ADGRL3: variants seen among roughly 807,000 people sequenced by gnomAD.
The protein encoded by ADGRL3 is adhesion G protein-coupled receptor L3.
In ADGRL3, 62 loss-of-function variants were observed where a neutral mutation model predicts 153.5. The ratio of observed to expected loss-of-function variants is 0.40; its 90% CI spans 0.33 to 0.50. ADGRL3 has a LOEUF of 0.50. Among genes scored for constraint, ADGRL3 ranks in the 20% least tolerant of loss-of-function variants. The probability of loss-of-function intolerance (pLI) is 0.47; values close to 1 mark genes in which losing one functional copy is unlikely to be tolerated. For synonymous variants in ADGRL3, 710 were observed against 672.5 expected (o/e 1.06, Z -0.86); for missense variants, 1,641 against 1,859.4 (o/e 0.88, Z 2.16).
At chr4:61,957,549 GTATTTATTTATTTATT>G (rs58620707) in intron 17 of ADGRL3, among the ~76,000 whole-genome samples, 2 of 144,378 alleles carry the variant, frequency 1.4e-5, no homozygotes, top group African/African-American at 2.5e-5. Context: ...TTACATTTAT[GTATTTATTTATTTATT>G]TATTTATTTA....
chr4:61,936,777 T>C (rs200615129), intron 15 of ADGRL3, among the ~76,000 whole-genome samples: 2 of 38,644 alleles, frequency 5.2e-5, no homozygotes, highest in East Asian at 8.4e-4. Context: ...TATGTACATA[T>C]GCATACACAC....
In ADGRL3 at chr4:61,996,361, A is replaced by G; in HGVS notation, c.3303+4A>G. 1.3e-6 allele frequency: 2 copies of G among 1,596,346 alleles called. No individual in the cohort carries two copies. The highest frequency in any genetic ancestry group is 2.2e-5 in the South Asian group (2 of 90,682). On this transcript the variant is annotated splice_donor_region_variant and intron_variant, in intron 20 of 26. Coordinates refer to ENST00000683033, the MANE Select transcript of ADGRL3 (RefSeq NM_001387552.1). ...ACCAGCAACTTTGATAATTATGGTA[A>G]GAATTCCTAATTAACTATGTGTTTC... is the stretch of plus-strand genomic sequence containing the variant.
chr4:61,477,473 A>T (rs914691760), intron 2 of ADGRL3, among the ~76,000 whole-genome samples: 9 of 152,214 alleles, frequency 5.9e-5, no homozygotes, highest in African/African-American at 1.9e-4. Flanking sequence ...AATTATCTGC[A>T]CCAAAGTGCT....
chr4:61,925,716 C>T (rs1253954431), intron 13 of ADGRL3, among the ~76,000 whole-genome samples: 1 of 152,092 alleles, frequency 6.6e-6, no homozygotes, highest in East Asian at 1.9e-4. Flanking sequence ...AGGACAATAC[C>T]AAACCATGAC....
intron 5 of ADGRL3, among the ~76,000 whole-genome samples, chr4:61,643,054 T>C (rs1315295017): frequency 6.6e-6 from 1 of 152,200 alleles, no homozygotes; most frequent in Non-Finnish European, 1.5e-5. Flanking sequence ...GAAGCAATTG[T>C]GAATGGGAGA....
intron 21 of ADGRL3, among the ~76,000 whole-genome samples, chr4:62,007,356 T>TATATATATATATATATA (rs1553908564): frequency 3.2e-5 from 1 of 30,914 alleles, no homozygotes; most frequent in African/African-American, 1.2e-4. Context: ...GACAAAATGA[T>TATATATATATATATATA]TATATATATA....
At chr4:61,222,477 A>T (rs1033979936) in intron 1 of ADGRL3, among the ~76,000 whole-genome samples, 14 of 152,162 alleles carry the variant, frequency 9.2e-5, no homozygotes, top group Admixed American at 9.2e-4. Context: ...ATTGGGTAAG[A>T]CAAACTGCTT....
Position 61,406,495 on chromosome 4 carries a change from A to ATT in ADGRL3, c.-174+23313_-174+23314dup, listed in dbSNP as rs11412734. ...ATGTCTTTCTCCATTGAACATGCAG[A>ATT]TTTTTTTTGGTGTCTAATGTTGTTT... On this transcript the variant is annotated intron_variant, in intron 2 of 26. Transcript: ENST00000683033. 2.0e-3 allele frequency among the ~76,000 whole-genome samples: 296 copies of ATT among 151,200 alleles called. 1 individual carries two copies. The highest frequency in any genetic ancestry group is 4.0e-3 in the Admixed American group (61 of 15,130).
At chr4:61,235,560 A>C (rs2149251510) in intron 1 of ADGRL3, among the ~76,000 whole-genome samples, 1 of 152,308 alleles carries the variant, frequency 6.6e-6, no homozygotes, top group African/African-American at 2.4e-5. Context: ...ATAGATGTGT[A>C]ATTACTCCCA....
intron 1 of ADGRL3, among the ~76,000 whole-genome samples, chr4:61,208,821 C>T (rs1738509519): frequency 6.6e-6 from 1 of 152,050 alleles, no homozygotes; most frequent in Admixed American, 6.6e-5. Context: ...CAAGATGACT[C>T]ACTATACTCT....
intron 5 of ADGRL3, among the ~76,000 whole-genome samples, chr4:61,587,898 A>T (rs1416052192): frequency 6.6e-6 from 1 of 152,040 alleles, no homozygotes; most frequent in East Asian, 1.9e-4. Context: ...TTGATTAAGG[A>T]TTAGTTGGCC....
intron 1 of ADGRL3, among the ~76,000 whole-genome samples, chr4:61,372,496 G>T (rs2096546478): frequency 6.6e-6 from 1 of 152,208 alleles, no homozygotes; most frequent in African/African-American, 2.4e-5. Context: ...GCAGTGTGAG[G>T]TGTCAGTGTG....
chr4:61,739,669 T>A (rs1480606615), intron 8 of ADGRL3, among the ~76,000 whole-genome samples: 1 of 152,230 alleles, frequency 6.6e-6, no homozygotes, highest in Non-Finnish European at 1.5e-5. Flanking sequence ...CAGGTAGTCA[T>A]CTTCACTGTC....
chr4:61,741,009 AG>A (rs1410490742), intron 8 of ADGRL3, among the ~76,000 whole-genome samples: 2 of 152,210 alleles, frequency 1.3e-5, no homozygotes, highest in Non-Finnish European at 2.9e-5. Flanking sequence ...CTCCAGTAAA[AG>A]CTGTGGCTGT....
At chr4:61,261,030 C>A (rs10011945) in intron 1 of ADGRL3, among the ~76,000 whole-genome samples, 4,823 of 152,022 alleles carry the variant, frequency 0.032, 258 homozygotes, top group African/African-American at 0.11. Flanking sequence ...TCGCCATTCT[C>A]ATTTGTTATT....
At chr4:61,266,267 T>G (rs1422217850) in intron 1 of ADGRL3, among the ~76,000 whole-genome samples, 1 of 88,608 alleles carries the variant, frequency 1.1e-5, no homozygotes, top group African/African-American at 4.4e-5. Flanking sequence ...TCATGATCTT[T>G]CTGACTTTAG....
intron 17 of ADGRL3, among the ~76,000 whole-genome samples, chr4:61,977,740 T>C (rs757093598): frequency 5.3e-5 from 8 of 152,114 alleles, no homozygotes; most frequent in Admixed American, 2.6e-4. Context: ...GTTAAAAAAA[T>C]GAAGAAAACC....
chr4:61,523,353 A>C (rs989107532), intron 4 of ADGRL3, among the ~76,000 whole-genome samples: 3 of 152,150 alleles, frequency 2.0e-5, no homozygotes, highest in Admixed American at 2.0e-4. Context: ...TCTTTGCTGC[A>C]GGAGAATAAT....
At chr4:61,614,725 A>T (rs2091800868) in intron 5 of ADGRL3, among the ~76,000 whole-genome samples, 1 of 152,130 alleles carries the variant, frequency 6.6e-6, no homozygotes, top group Non-Finnish European at 1.5e-5. Flanking sequence ...CCTGTCTAAA[A>T]TAGAAGTCAT....
Sources: gnomAD v4.1 joint callset for allele counts (sites outside exome capture counted in the v4.1 genomes callset) on GRCh38, gnomAD v4.1.1 for gene constraint, MANE v1.5 for transcripts, NCBI Gene and HGNC (gene_info 2026-07-23, HGNC 2026-07-21) for gene names.